The following CEP350 variants were observed in gnomAD, a reference collection of about 807,000 sequenced individuals.
CEP350 encodes the protein centrosomal protein 350.
Under a neutral mutation model 331.8 loss-of-function variants are expected in CEP350, and 126 were observed. That is an observed-to-expected ratio of 0.38 (90% confidence interval 0.33 to 0.44). CEP350 has a LOEUF of 0.44. CEP350 is among the 20% of genes least tolerant of loss of function. The pLI is 1.00. For missense variants in CEP350, 3,406 were observed against 3,634.6 expected (o/e 0.94, Z 1.62); for synonymous variants, 1,200 against 1,259.5 (o/e 0.95, Z 1.00).
In CEP350 at chr1:180,041,753, AG is replaced by A; in HGVS notation, c.4314del (p.Gln1438HisfsTer21). 6.2e-7 allele frequency: 1 copy of A among 1,613,274 alleles called. No homozygotes were observed. Among genetic ancestry groups the A allele is most frequent in the Non-Finnish European group, 8.5e-7 (1 of 1,179,574 alleles). On this transcript the variant is annotated frameshift_variant, in exon 19 of 38. Coordinates refer to ENST00000367607, the MANE Select transcript of CEP350 (RefSeq NM_014810.5). LOFTEE classifies it high-confidence loss of function. Reference protein sequence around the residue: ...QEATCKIAAQQSETARLTTDA... With the variant: ...QEATCKIAAQXSETARLTTDA... ...GCAACGTGTAAAATAGCAGCTCAGC[AG>A]TCAGAAACTGCTCGCCTCACCACAG... is the stretch of plus-strand genomic sequence containing the variant.
At chr1:180,042,156 A>ACACG (rs1656807510) in intron 19 of CEP350, among the ~76,000 whole-genome samples, 1 of 151,930 alleles carries the variant, frequency 6.6e-6, no homozygotes. Flanking sequence ...ACACACACAC[A>ACACG]CACACACACA....
At position 180,075,125 on chromosome 1, in the gene CEP350, C is replaced by T; in HGVS notation, c.5671C>T (p.Gln1891Ter). The change falls in exon 28 of 38, where the codon CAA (glutamine) becomes TAA (stop). Residue 1891 changes from glutamine (Q) to a stop codon, truncating the protein, a stop_gained. Transcript: ENST00000367607. LOFTEE classifies it high-confidence loss of function. Reference protein sequence around the residue: ...RLDAEEAEIRQMEKQALAAWD... With the variant: ...RLDAEEAEIR ...AGATGCAGAAGAAGCAGAAATTCGT[C>T]AAATGGAAAAACAAGCTTTGGCTGC... The T allele has an allele frequency of 6.2e-7, 1 of 1,613,570 alleles. No individual in the cohort carries two copies. The highest frequency in any genetic ancestry group is 1.3e-5 in the African/African-American group (1 of 75,030).
intron 17 of CEP350, among the ~76,000 whole-genome samples, chr1:180,040,067 A>G (rs1343848797): frequency 6.6e-6 from 1 of 151,738 alleles, no homozygotes; most frequent in East Asian, 1.9e-4. Context: ...TGTTCTTCCC[A>G]AAAGACCCGT....
At chr1:180,096,306 C>T (rs1383726539) in intron 36 of CEP350, 122 bp downstream of exon 36, 22 of 1,035,026 alleles carry the variant, frequency 2.1e-5, no homozygotes, top group Non-Finnish European at 2.5e-5. Flanking sequence ...AGGACCTGTT[C>T]CATAGTGGGT....
Position 179,997,062 on chromosome 1 carries a change from G to A in CEP350, c.905G>A (p.Arg302Gln), listed in dbSNP as rs572070893. The A allele has an allele frequency of 2.7e-5, 43 of 1,613,972 alleles. No individual in the cohort carries two copies. In the South Asian group the frequency reaches 4.2e-4, roughly 16 times the overall value. The change falls in exon 6 of 38, where the codon CGG (arginine) becomes CAG (glutamine). Residue 302 changes from arginine to glutamine, a missense_variant. Transcript: ENST00000367607. ...GAACACTCAGAAGAAACAAATGGCCGGGGCCAGAAGCTGGGTCATATTGAC... is the reference window on the plus strand; with the variant it reads ...GAACACTCAGAAGAAACAAATGGCCAGGGCCAGAAGCTGGGTCATATTGAC... ...QWEHSEETNG[R>Q]GQKLGHIDHP... is the part of the protein sequence containing the mutation.
Position 180,014,243 on chromosome 1 carries a change from G to A in CEP350, c.1790G>A (p.Arg597Gln), listed in dbSNP as rs572442531. The part of the protein sequence containing the change: ...KRRHYDTDEV[R>Q]QYIVRQQEER... ...CGCCACTATGACACAGATGAGGTAC[G>A]ACAGTACATTGTTAGGCAGCAGGAG... Residue 597 changes from arginine (R) to glutamine (Q), a missense_variant, in exon 10 of 38, where the codon CGA (arginine) becomes CAA (glutamine). Transcript: ENST00000367607. The A allele has an allele frequency of 2.5e-6, 4 of 1,609,816 alleles. No individual in the cohort carries two copies. In the Admixed American group the frequency reaches 5.1e-5, roughly 20 times the overall value.
rs576703356 is a variant in CEP350 at position 180,050,684 on chromosome 1, A to C, written c.4792+1979A>C. On this transcript the variant is annotated intron_variant, in intron 22 of 37. Coordinates refer to ENST00000367607, the MANE Select transcript of CEP350 (RefSeq NM_014810.5). ...GTCTCCAAAAAAACCAAAAAAAAAA[A>C]AAAAAACAAAAAAACCTCAATAATA... is the stretch of plus-strand genomic sequence containing the variant. 1.6e-3 allele frequency among the ~76,000 whole-genome samples: 239 copies of C among 151,750 alleles called. 1 individual carries two copies. The highest frequency in any genetic ancestry group is 5.2e-3 in the African/African-American group (215 of 41,376).
chr1:180,090,790 C>T lies in CEP350; in HGVS notation c.6502C>T (p.His2168Tyr). 1.3e-6 allele frequency: 2 copies of T among 1,538,704 alleles called. No homozygotes were observed. The highest frequency in any genetic ancestry group is 8.8e-7 in the Non-Finnish European group (1 of 1,139,982). The change falls in exon 33 of 38, where the codon CAT (histidine) becomes TAT (tyrosine). Residue 2168 changes from histidine to tyrosine, a missense_variant. His to Tyr is a moderately conservative substitution (Grantham distance 83). Transcript: ENST00000367607. The stretch of plus-strand genomic sequence containing the variant: ...AGGATCCCTGGAGTCTATTGCTGAA[C>T]ATGTTGGTATGTAACTAGAAAAAAT... ...SRGSLESIAE[H>Y]VDASLSGSER...
At chr1:180,084,315 AAAAAT>A in intron 31 of CEP350, 137 bp downstream of exon 31, 1 of 779,040 alleles carries the variant, frequency 1.3e-6, no homozygotes, top group Non-Finnish European at 1.8e-6. Flanking sequence ...TTCTCTTAAA[AAAAAT>A]CTGAGGGTAT....
intron 1 of CEP350, among the ~76,000 whole-genome samples, chr1:179,966,001 T>C (rs780545576): frequency 2.0e-5 from 3 of 152,130 alleles, no homozygotes; most frequent in African/African-American, 7.2e-5. Flanking sequence ...CATTAAGGAA[T>C]AGGGCAAAGA....
At chr1:179,961,400 A>G (rs1318577460) in intron 1 of CEP350, among the ~76,000 whole-genome samples, 2 of 152,198 alleles carry the variant, frequency 1.3e-5, no homozygotes, top group East Asian at 1.9e-4. Flanking sequence ...GTGAGCCGAG[A>G]TCGCGTCACT....
intron 1 of CEP350, among the ~76,000 whole-genome samples, chr1:179,962,749 A>G (rs1650729699): frequency 6.6e-6 from 1 of 152,122 alleles, no homozygotes; most frequent in Non-Finnish European, 1.5e-5. Flanking sequence ...TGATTCAATG[A>G]CTTTGCTGTT....
intron 25 of CEP350, among the ~76,000 whole-genome samples, chr1:180,057,003 TTC>T (rs1657891479): frequency 1.3e-5 from 2 of 152,196 alleles, no homozygotes; most frequent in African/African-American, 2.4e-5. Flanking sequence ...GAGTTCTTAA[TTC>T]GATTTGTTTT....
chr1:180,043,748 C>T (rs906640786), intron 20 of CEP350, among the ~76,000 whole-genome samples: 6 of 148,910 alleles, frequency 4.0e-5, no homozygotes, highest in African/African-American at 7.4e-5. Context: ...TTATTTTTGG[C>T]GGGACTGGGT....
intron 25 of CEP350, among the ~76,000 whole-genome samples, chr1:180,058,427 A>G (rs534585393): frequency 6.6e-6 from 1 of 152,340 alleles, no homozygotes; most frequent in South Asian, 2.1e-4. Context: ...GCAAGATGCA[A>G]AGAATATATA....
At chr1:180,038,876 C>T (rs1656552610) in intron 17 of CEP350, among the ~76,000 whole-genome samples, 1 of 152,072 alleles carries the variant, frequency 6.6e-6, no homozygotes, top group Admixed American at 6.6e-5. Flanking sequence ...TTGATGAAAT[C>T]CAGTTTTAAT....
At chr1:180,062,693 A>T (rs185811781) in intron 26 of CEP350, among the ~76,000 whole-genome samples, 96 of 152,322 alleles carry the variant, frequency 6.3e-4, no homozygotes, top group African/African-American at 2.3e-3. Context: ...GCATCACATG[A>T]CAAGGGGGCT....
chr1:180,018,311 G>A (rs555785171), intron 11 of CEP350, among the ~76,000 whole-genome samples: 12 of 152,218 alleles, frequency 7.9e-5, no homozygotes, highest in Non-Finnish European at 1.5e-5. Context: ...GAGCTACCAT[G>A]CCCAGCTCAG....
intron 32 of CEP350, 40 bp from the exon 33 acceptor site, chr1:180,090,674 G>C (rs1393513572): frequency 1.3e-6 from 2 of 1,501,274 alleles, no homozygotes; most frequent in Admixed American, 2.2e-5. Flanking sequence ...AGTTATTATA[G>C]TAATATGTTT....
Sources: gnomAD v4.1 joint callset for allele counts (sites outside exome capture counted in the v4.1 genomes callset) on GRCh38, gnomAD v4.1.1 for gene constraint, MANE v1.5 for transcripts, NCBI Gene and HGNC (gene_info 2026-07-23, HGNC 2026-07-21) for gene names.